Variants in KIAA0040 observed in about 807,000 individuals in gnomAD.
KIAA0040 encodes the protein KIAA0040, also known as uncharacterized protein KIAA0040.
A neutral mutation model predicts 7.2 loss-of-function variants in KIAA0040; 10 were observed. The ratio of observed to expected loss-of-function variants is 1.38; its 90% CI spans 0.85 to 2.34. The LOEUF is 2.34. KIAA0040 is among the 30% of genes most tolerant of loss of function. The pLI is 0.00. For synonymous variants in KIAA0040, 49 were observed against 40.1 expected (o/e 1.22, Z -0.84); for missense variants, 89 against 108.2 (o/e 0.82, Z 0.79).
At chr1:175,187,653 T>C (rs536203588) in intron 1 of KIAA0040, among the ~76,000 whole-genome samples, 25 of 152,336 alleles carry the variant, frequency 1.6e-4, no homozygotes, top group Admixed American at 7.2e-4. Context: ...ATATCCACTA[T>C]ACTATTCTGT....
At chr1:175,167,730 C>A (rs571723475) in intron 2 of KIAA0040, among the ~76,000 whole-genome samples, 2 of 151,882 alleles carry the variant, frequency 1.3e-5, no homozygotes, top group Non-Finnish European at 2.9e-5. Flanking sequence ...TCGGAAAGGG[C>A]GGGATGATGG....
intron 3 of KIAA0040, among the ~76,000 whole-genome samples, chr1:175,163,832 G>A (rs1216819141): frequency 2.0e-5 from 3 of 152,210 alleles, no homozygotes; most frequent in African/African-American, 7.2e-5. Context: ...GGGAGCAGAT[G>A]GGTAACAGGG....
At chr1:175,182,211 C>T (rs1252345233) in intron 1 of KIAA0040, among the ~76,000 whole-genome samples, 2 of 152,198 alleles carry the variant, frequency 1.3e-5, no homozygotes, top group African/African-American at 4.8e-5. Flanking sequence ...AAATTGTTTT[C>T]ACATTTGACT....
At chr1:175,184,451 A>G (rs565733173) in intron 1 of KIAA0040, among the ~76,000 whole-genome samples, 3 of 152,256 alleles carry the variant, frequency 2.0e-5, no homozygotes, top group African/African-American at 7.2e-5. Context: ...GTGTCTGTTC[A>G]GAGACAGAGG....
chr1:175,165,626 T>C (rs1482836263), intron 3 of KIAA0040, among the ~76,000 whole-genome samples: 2 of 152,204 alleles, frequency 1.3e-5, no homozygotes, highest in East Asian at 1.9e-4. Context: ...GAGCGGTCGC[T>C]TGGGGAACAT....
At chr1:175,187,996 C>T (rs1677727864) in intron 1 of KIAA0040, among the ~76,000 whole-genome samples, 1 of 152,140 alleles carries the variant, frequency 6.6e-6, no homozygotes, top group Non-Finnish European at 1.5e-5. Context: ...AAAAACATCC[C>T]ATCGGGAGAA....
At chr1:175,180,219 A>C (rs1001912238) in intron 1 of KIAA0040, among the ~76,000 whole-genome samples, 1 of 152,212 alleles carries the variant, frequency 6.6e-6, no homozygotes, top group Non-Finnish European at 1.5e-5. Context: ...GCAGTAGGGT[A>C]ATTGTTTAAT....
At position 175,157,448 on chromosome 1, in the gene KIAA0040, A is replaced by G. The variant is rs1676325692; in HGVS notation, c.*3266T>C. 6.6e-6 allele frequency: 1 copy of G among 152,266 alleles called. No individual in the cohort carries two copies. Among genetic ancestry groups the G allele is most frequent in the South Asian group, 2.1e-4 (1 of 4,834 alleles). 9.4% of individuals were successfully genotyped at this position (152,266 alleles called of 1,614,324 possible). A position where few individuals can be genotyped will look rare whatever the true frequency, so the allele number is the denominator to read the frequency against. On this transcript the variant is annotated 3_prime_UTR_variant, in exon 4 of 4. Coordinates refer to ENST00000423313, the MANE Select transcript of KIAA0040 (RefSeq NM_014656.3). ...GCTGGGACATTTGTGTCACAGAAAG[A>G]GTCCCTGCATTGATCATTTCTGAGT...
chr1:175,173,675 A>G (rs115598718), intron 2 of KIAA0040, among the ~76,000 whole-genome samples: 1,569 of 152,306 alleles, frequency 0.01, 26 homozygotes, highest in African/African-American at 0.031. Context: ...AACATGTAAA[A>G]GCCTGCCACG....
chr1:175,163,277 G>A (rs1676624106), intron 3 of KIAA0040, among the ~76,000 whole-genome samples: 1 of 152,198 alleles, frequency 6.6e-6, no homozygotes, highest in Admixed American at 6.5e-5. Context: ...AGGAAAGACT[G>A]CAAAGAGATT....
intron 3 of KIAA0040, among the ~76,000 whole-genome samples, chr1:175,162,153 T>G (rs1024370598): frequency 6.6e-6 from 1 of 152,190 alleles, no homozygotes; most frequent in Non-Finnish European, 1.5e-5. Flanking sequence ...GAGGCTGCCT[T>G]CCATTCTGGA....
At chr1:175,163,304 AT>A (rs1338455727) in intron 3 of KIAA0040, among the ~76,000 whole-genome samples, 2 of 152,246 alleles carry the variant, frequency 1.3e-5, no homozygotes, top group African/African-American at 4.8e-5. Flanking sequence ...TCATTGTTAG[AT>A]CCTTCCCAAA....
intron 2 of KIAA0040, among the ~76,000 whole-genome samples, chr1:175,174,036 A>ACCC (rs3835507): frequency 0.24 from 36,407 of 149,246 alleles, 5,016 homozygotes; most frequent in Admixed American, 0.4. Context: ...CCGACCCCAC[A>ACCC]CCCCAGTCCC....
intron 2 of KIAA0040, among the ~76,000 whole-genome samples, chr1:175,170,872 AAGTATGACATCTAAACT>A (rs1361660826): frequency 4.8e-3 from 4 of 834 alleles, no homozygotes; most frequent in Non-Finnish European, 0.01. Context: ...CCGTCACTAG[AAGTATGACATCTAAACT>A]AGAAGTATGA....
intron 2 of KIAA0040, among the ~76,000 whole-genome samples, chr1:175,173,127 C>T (rs1210963297): frequency 6.6e-6 from 1 of 152,210 alleles, no homozygotes; most frequent in Admixed American, 6.5e-5. Flanking sequence ...GCTTCTCCCT[C>T]TCTCGGCCCT....
At chr1:175,175,933 G>A (rs1299865099) in intron 2 of KIAA0040, among the ~76,000 whole-genome samples, 7 of 152,172 alleles carry the variant, frequency 4.6e-5, no homozygotes, top group Non-Finnish European at 8.8e-5. Context: ...GTAATGACGA[G>A]TTAATGGGTG....
At chr1:175,173,978 G>A (rs1340906721) in intron 2 of KIAA0040, among the ~76,000 whole-genome samples, 3 of 152,068 alleles carry the variant, frequency 2.0e-5, no homozygotes, top group Non-Finnish European at 4.4e-5. Context: ...CCTCCCACAT[G>A]GCCACAATCT....
intron 2 of KIAA0040, among the ~76,000 whole-genome samples, chr1:175,177,104 G>A (rs576706969): frequency 6.6e-6 from 1 of 152,276 alleles, no homozygotes; most frequent in African/African-American, 2.4e-5. Context: ...GAGGTAGGGG[G>A]GATGGTGGGA....
intron 1 of KIAA0040, among the ~76,000 whole-genome samples, chr1:175,179,661 T>C (rs969101530): frequency 6.6e-6 from 1 of 152,206 alleles, no homozygotes; most frequent in African/African-American, 2.4e-5. Context: ...TTATTTATGA[T>C]TGGTGAAAGT....
Sources: allele counts gnomAD v4.1 joint callset (sites outside exome capture counted in the v4.1 genomes callset), GRCh38; gene constraint gnomAD v4.1.1; transcripts MANE v1.5; gene names NCBI Gene and HGNC (gene_info 2026-07-23, HGNC 2026-07-21).